The following COQ2 variants were observed in gnomAD, a reference collection of about 807,000 sequenced individuals.
The protein encoded by COQ2 is 4-hydroxybenzoate polyprenyltransferase, mitochondrial.
A neutral mutation model predicts 35.7 loss-of-function variants in COQ2; 25 were observed. The ratio of observed to expected loss-of-function variants is 0.70; its 90% CI spans 0.51 to 0.98. The LOEUF (loss-of-function observed/expected upper bound fraction) is 0.98. COQ2 is among the 50% of genes least tolerant of loss of function. COQ2 has a pLI of 0.00. For missense variants in COQ2, 488 were observed against 473.5 expected (o/e 1.03, Z -0.28); for synonymous variants, 206 against 186.2 (o/e 1.11, Z -0.86).
At chr4:83,272,215 T>G (rs1735066524) in intron 3 of COQ2, 43 bp from the exon 4 acceptor site, 1 of 1,192,064 alleles carries the variant, frequency 8.4e-7, no homozygotes, top group Non-Finnish European at 1.2e-6. Context: ...TACCACTACC[T>G]CTTAGAAACC....
chr4:83,276,068 T>TTTATATA (rs1553916296), intron 2 of COQ2, among the ~76,000 whole-genome samples: 1 of 10,194 alleles, frequency 9.8e-5, no homozygotes, highest in African/African-American at 1.2e-4. Flanking sequence ...TAATATATAT[T>TTTATATA]TTATATATAA....
chr4:83,283,900 T>C lies in COQ2; in HGVS notation c.253+612A>G, dbSNP rs1024141902. On this transcript the variant is annotated intron_variant, in intron 1 of 6. Coordinates refer to ENST00000647002, the MANE Select transcript of COQ2 (RefSeq NM_001358921.2). ...CTTTCTGTCGGGGGCGATTGTAAGC[T>C]GACAGGCAGTCCGTAAGCGCTGTCC... is the stretch of plus-strand genomic sequence containing the variant. The C allele has an allele frequency of 1.6e-5, 16 of 985,366 alleles. No individual in the cohort carries two copies. In the Admixed American group the frequency reaches 3.7e-4, roughly 23 times the overall value. The allele number at this position is 985,366 out of a possible 1,614,324, so 61.0% of individuals were successfully genotyped here.
intron 1 of COQ2, chr4:83,282,553 G>T: frequency 1.1e-6 from 1 of 904,606 alleles, no homozygotes. Flanking sequence ...ACCAAACCAT[G>T]CAGGCTGGTA....
At chr4:83,285,089 A>G (rs144975459), upstream of COQ2, among the ~76,000 whole-genome samples, 27 of 152,334 alleles carry the variant, frequency 1.8e-4, no homozygotes, top group East Asian at 4.8e-3. Flanking sequence ...CAAACAAAAA[A>G]TAGAATCGGG....
chr4:83,277,991 C>G (rs1383065266), intron 2 of COQ2, among the ~76,000 whole-genome samples: 1 of 149,756 alleles, frequency 6.7e-6, no homozygotes, highest in Non-Finnish European at 1.5e-5. Flanking sequence ...CACACACACA[C>G]ACACACACAC....
chr4:83,266,656 AT>A (rs1415871761), intron 6 of COQ2: 7 of 153,900 alleles, frequency 4.5e-5, no homozygotes, highest in African/African-American at 1.4e-4. Flanking sequence ...TGATATAAAA[AT>A]ATAGTCAATT....
chr4:83,271,281 G>C (rs1278628844), intron 4 of COQ2, among the ~76,000 whole-genome samples: 1 of 152,176 alleles, frequency 6.6e-6, no homozygotes, highest in Non-Finnish European at 1.5e-5. Flanking sequence ...ACGTATTCTT[G>C]GTTGAATTAA....
intron 1 of COQ2, chr4:83,283,766 A>G (rs1157368983): frequency 3.0e-6 from 3 of 985,354 alleles, no homozygotes; most frequent in African/African-American, 3.5e-5. Flanking sequence ...CAATCAATCA[A>G]CAAGCGCATA....
chr4:83,271,071 T>C (rs868391303), intron 4 of COQ2, among the ~76,000 whole-genome samples: 1 of 152,168 alleles, frequency 6.6e-6, no homozygotes. Context: ...AAAAAAATGA[T>C]TCAAAGAACT....
At chr4:83,269,722 A>C in intron 5 of COQ2, 138 bp downstream of exon 5, 1 of 814,926 alleles carries the variant, frequency 1.2e-6, no homozygotes, top group East Asian at 3.2e-5. Flanking sequence ...TAGAAAAAAA[A>C]AATTCTTCCT....
At chr4:83,264,985 T>C (rs1022656314) in intron 6 of COQ2, among the ~76,000 whole-genome samples, 1 of 152,194 alleles carries the variant, frequency 6.6e-6, no homozygotes, top group African/African-American at 2.4e-5. Context: ...TCCTAGTTTA[T>C]TATAACCAAA....
chr4:83,268,819 G>C (rs1201821416), intron 5 of COQ2, among the ~76,000 whole-genome samples: 1 of 152,130 alleles, frequency 6.6e-6, no homozygotes, highest in African/African-American at 2.4e-5. Context: ...GAAGAAAACA[G>C]AATGAAATCC....
chr4:83,270,151 T>A (rs1486279691), intron 4 of COQ2, among the ~76,000 whole-genome samples, 158 bp from the exon 5 acceptor site: 1 of 151,978 alleles, frequency 6.6e-6, no homozygotes, highest in Admixed American at 6.6e-5. Context: ...CAACTCTCGG[T>A]GGTACTTATT....
chr4:83,282,629 C>T, intron 1 of COQ2: 1 of 655,466 alleles, frequency 1.5e-6, no homozygotes, highest in South Asian at 6.9e-5. Context: ...ATAATAATGG[C>T]TATTTCTTCA....
At chr4:83,273,980 CAAAAAAAAAAAAAA>C (rs967781699) in intron 2 of COQ2, among the ~76,000 whole-genome samples, 1 of 29,056 alleles carries the variant, frequency 3.4e-5, no homozygotes, top group Non-Finnish European at 6.9e-5. Context: ...GCTGTCTCTA[CAAAAAAAAAAAAAA>C]AAAAAAAAAA....
At chr4:83,268,781 A>G (rs1358053466) in intron 5 of COQ2, among the ~76,000 whole-genome samples, 1 of 152,208 alleles carries the variant, frequency 6.6e-6, no homozygotes, top group African/African-American at 2.4e-5. Context: ...TGATACTACA[A>G]ATGTAGCAGG....
intron 4 of COQ2, 107 bp from the exon 5 acceptor site, chr4:83,270,100 T>G: frequency 8.5e-7 from 1 of 1,180,814 alleles, no homozygotes; most frequent in Non-Finnish European, 1.2e-6. Context: ...TATCAGACTC[T>G]GTGTGTGCTG....
chr4:83,282,522 G>C, intron 1 of COQ2: 1 of 634,600 alleles, frequency 1.6e-6, no homozygotes, highest in Non-Finnish European at 2.0e-6. Context: ...GAAAAATCCT[G>C]TAATGATCAC....
In COQ2 at chr4:83,284,645, A is replaced by G; in HGVS notation, c.120T>C (p.Gly40=). 6.8e-7 allele frequency: 1 copy of G among 1,472,998 alleles called. No individual in the cohort carries two copies. Among genetic ancestry groups the G allele is most frequent in the Non-Finnish European group, 9.0e-7 (1 of 1,116,850 alleles). 91.2% of individuals were successfully genotyped at this position (1,472,998 alleles called of 1,614,324 possible). ...ALARAAGAPH[G]GDLQPPACPE... ...GACAGGCGGGGGGCTGCAAGTCACC[A>G]CCGTGGGGCGCGCCTGCCGCACGCG... The change falls in exon 1 of 7, where the codon GGT becomes GGC. Residue 40 remains glycine, a synonymous_variant. Transcript: ENST00000647002.
Sources: allele counts gnomAD v4.1 joint callset (sites outside exome capture counted in the v4.1 genomes callset), GRCh38; gene constraint gnomAD v4.1.1; transcripts MANE v1.5; gene names NCBI Gene and HGNC (gene_info 2026-07-23, HGNC 2026-07-21).